SORBS2: variants seen among roughly 807,000 people sequenced by gnomAD.
SORBS2 encodes the protein sorbin and SH3 domain-containing protein 2.
Under a neutral mutation model 97.7 loss-of-function variants are expected in SORBS2, and 46 were observed. The ratio of observed to expected loss-of-function variants is 0.47; its 90% CI spans 0.37 to 0.60. The LOEUF (loss-of-function observed/expected upper bound fraction) is 0.60. Ranked by LOEUF, SORBS2 falls within the 20% of genes least tolerant of loss-of-function variation. The pLI, the probability that SORBS2 is intolerant of heterozygous loss-of-function variation, is 0.00. For synonymous variants in SORBS2, 476 were observed against 473.4 expected (o/e 1.01, Z -0.07); for missense variants, 1,316 against 1,282.3 (o/e 1.03, Z -0.40).
chr4:185,850,615 T>C (rs1313428389), intron 1 of SORBS2, among the ~76,000 whole-genome samples: 4 of 152,224 alleles, frequency 2.6e-5, no homozygotes, highest in Non-Finnish European at 1.5e-5. Context: ...GTCAACTGCC[T>C]GTGCTGAAAA....
intron 1 of SORBS2, among the ~76,000 whole-genome samples, chr4:185,781,229 G>A (rs1478251867): frequency 4.6e-5 from 7 of 152,212 alleles, no homozygotes; most frequent in African/African-American, 1.7e-4. Context: ...GAGCCACGGC[G>A]CCCAGCCTGA....
chr4:185,794,947 G>A (rs2099098045), intron 1 of SORBS2, among the ~76,000 whole-genome samples: 1 of 152,102 alleles, frequency 6.6e-6, no homozygotes, highest in African/African-American at 2.4e-5. Context: ...ATACCCCACA[G>A]TAACTCAAAG....
At chr4:185,680,700 G>T (rs2097855468) in intron 2 of SORBS2, among the ~76,000 whole-genome samples, 2 of 152,164 alleles carry the variant, frequency 1.3e-5, no homozygotes, top group Admixed American at 1.3e-4. Flanking sequence ...CTGGGGACGA[G>T]GTAATGGGAC....
At chr4:185,713,129 G>A (rs1490086455) in intron 2 of SORBS2, among the ~76,000 whole-genome samples, 2 of 152,006 alleles carry the variant, frequency 1.3e-5, no homozygotes, top group Non-Finnish European at 2.9e-5. Flanking sequence ...CTGTGTCCTG[G>A]GCCCTCACTG....
At chr4:185,759,003 C>T in intron 2 of SORBS2, among the ~76,000 whole-genome samples, 1 of 152,176 alleles carries the variant, frequency 6.6e-6, no homozygotes, top group South Asian at 2.1e-4. Context: ...GTGTTCTGCC[C>T]ATGGGAATTT....
At chr4:185,838,235 G>A (rs948472311) in intron 1 of SORBS2, among the ~76,000 whole-genome samples, 4 of 152,226 alleles carry the variant, frequency 2.6e-5, no homozygotes, top group Admixed American at 6.5e-5. Flanking sequence ...CCAGCTTCCC[G>A]GCTGCAGTGG....
At chr4:185,924,696 C>G (rs1358215554) in intron 1 of SORBS2, among the ~76,000 whole-genome samples, 3 of 152,188 alleles carry the variant, frequency 2.0e-5, no homozygotes, top group Non-Finnish European at 2.9e-5. Context: ...CAAACCAATC[C>G]CCTGTGCCCT....
At chr4:185,694,456 A>G (rs757881247) in intron 2 of SORBS2, among the ~76,000 whole-genome samples, 5 of 152,190 alleles carry the variant, frequency 3.3e-5, no homozygotes, top group African/African-American at 4.8e-5. Flanking sequence ...ATGATTTTCA[A>G]TAGGTGCTAG....
chr4:185,831,469 T>G (rs1321807769), intron 1 of SORBS2, among the ~76,000 whole-genome samples: 1 of 152,256 alleles, frequency 6.6e-6, no homozygotes, highest in Non-Finnish European at 1.5e-5. Context: ...CTGAATCCTT[T>G]ATTTGTTTCC....
At position 185,890,332 on chromosome 4, in the gene SORBS2, C is replaced by T. The variant is rs553852847; in HGVS notation, c.-338+65864G>A. Among the ~76,000 whole-genome samples the T allele has an allele frequency of 5.8e-4, 89 of 152,240 alleles. 2 individuals carry two copies. In the South Asian group the frequency reaches 0.018, roughly 30 times the overall value. On this transcript the variant is annotated intron_variant, in intron 1 of 20. Transcript: ENST00000284776. ...AAGCTCTTTACAGTACAGAAGTCAC[C>T]GTGGCTAACATCTATGGAATTCTGG...
chr4:185,646,474 C>A (rs2097210827), intron 4 of SORBS2, 194 bp downstream of exon 13: 1 of 514,602 alleles, frequency 1.9e-6, no homozygotes, highest in African/African-American at 1.9e-5. Context: ...TGTATTTGGT[C>A]AGTAAAGACA....
intron 1 of SORBS2, among the ~76,000 whole-genome samples, chr4:185,840,656 G>A (rs1368863737): frequency 1.3e-5 from 2 of 152,118 alleles, no homozygotes; most frequent in African/African-American, 2.4e-5. Flanking sequence ...AATACAATTC[G>A]ATTTCTTTCT....
rs369221375 is a variant in SORBS2 at position 185,638,084 on chromosome 4, G to A, written c.397-7486C>T. 2.9e-5 allele frequency: 46 copies of A among 1,585,240 alleles called. No homozygotes were observed. In the African/African-American group the frequency reaches 5.4e-4, roughly 19 times the overall value. ...AATAGTCTAGCCTCACTTACCGGGC[G>A]TCCAAACTCCAGTTCTGAAAAGAAT... On this transcript the variant is annotated intron_variant, in intron 4 of 14. Transcript: ENST00000418609.
intron 12 of SORBS2, among the ~76,000 whole-genome samples, chr4:185,602,575 G>A: frequency 6.6e-6 from 1 of 152,180 alleles, no homozygotes; most frequent in East Asian, 1.9e-4. Context: ...AATGGTTGAT[G>A]GGGTTGATAA....
intron 1 of SORBS2, among the ~76,000 whole-genome samples, chr4:185,813,541 T>A (rs2099190552): frequency 6.6e-6 from 1 of 152,226 alleles, no homozygotes; most frequent in Non-Finnish European, 1.5e-5. Context: ...TTGCATTTGC[T>A]GTTGCTGAGC....
chr4:185,747,843 T>C (rs2098772986), intron 2 of SORBS2, among the ~76,000 whole-genome samples: 1 of 151,976 alleles, frequency 6.6e-6, no homozygotes, highest in African/African-American at 2.4e-5. Flanking sequence ...TACAAAAAAT[T>C]AGCCGGGCAC....
chr4:185,814,788 G>T (rs1413302611), intron 1 of SORBS2, among the ~76,000 whole-genome samples: 1 of 152,156 alleles, frequency 6.6e-6, no homozygotes, highest in Non-Finnish European at 1.5e-5. Context: ...ATCTCTACTG[G>T]CCTTCACACA....
At chr4:185,668,438 TA>T (rs2097653712) in intron 4 of SORBS2, among the ~76,000 whole-genome samples, 2 of 152,248 alleles carry the variant, frequency 1.3e-5, no homozygotes, top group African/African-American at 4.8e-5. Flanking sequence ...TTTGTGAGTG[TA>T]AGGCATGAAA....
intron 1 of SORBS2, among the ~76,000 whole-genome samples, chr4:185,916,561 T>C (rs939920505): frequency 5.9e-5 from 9 of 152,200 alleles, no homozygotes; most frequent in African/African-American, 2.2e-4. Context: ...AAAAGAGGAC[T>C]GGTTTGTGAA....
Sources: allele counts gnomAD v4.1 joint callset (sites outside exome capture counted in the v4.1 genomes callset), GRCh38; gene constraint gnomAD v4.1.1; transcripts MANE v1.5; gene names NCBI Gene and HGNC (gene_info 2026-07-23, HGNC 2026-07-21).